GRM1: variants seen among roughly 807,000 people sequenced by gnomAD.
GRM1 encodes the protein glutamate metabotropic receptor 1.
A neutral mutation model predicts 90.9 loss-of-function variants in GRM1; 33 were observed. That is an observed-to-expected ratio of 0.36 (90% confidence interval 0.28 to 0.49). The LOEUF is 0.49. Among genes scored for constraint, GRM1 ranks in the 20% least tolerant of loss-of-function variants. GRM1 has a pLI of 0.99. For synonymous variants in GRM1, 700 were observed against 613.2 expected (o/e 1.14, Z -2.09); for missense variants, 1,190 against 1,534.3 (o/e 0.78, Z 3.75).
At chr6:146,406,887 G>T (rs889005880) in intron 7 of GRM1, among the ~76,000 whole-genome samples, 1 of 152,104 alleles carries the variant, frequency 6.6e-6, no homozygotes, top group African/African-American at 2.4e-5. Flanking sequence ...AGGAGAAGAA[G>T]AAGAAAGAAG....
intron 2 of GRM1, among the ~76,000 whole-genome samples, chr6:146,216,722 G>A (rs539179358): frequency 5.3e-5 from 8 of 152,320 alleles, no homozygotes; most frequent in East Asian, 3.9e-4. Context: ...CAGAGTCACC[G>A]TGTACTTTCA....
intron 1 of GRM1, among the ~76,000 whole-genome samples, chr6:146,090,389 T>C (rs1582988382): frequency 6.6e-6 from 1 of 152,152 alleles, no homozygotes; most frequent in Non-Finnish European, 1.5e-5. Flanking sequence ...CATACTTTAG[T>C]AGGACTCTGT....
intron 5 of GRM1, among the ~76,000 whole-genome samples, chr6:146,370,181 C>T (rs1304748878): frequency 6.6e-6 from 1 of 151,992 alleles, no homozygotes; most frequent in East Asian, 1.9e-4. Context: ...TGATGTTGTG[C>T]AAGTTTAAGT....
intron 2 of GRM1, among the ~76,000 whole-genome samples, chr6:146,207,069 T>C (rs1226451236): frequency 6.6e-6 from 1 of 152,200 alleles, no homozygotes; most frequent in Non-Finnish European, 1.5e-5. Context: ...GGCATTTAGG[T>C]TGATTCCATG....
At chr6:146,396,226 T>G (rs1776929992) in intron 6 of GRM1, among the ~76,000 whole-genome samples, 2 of 152,102 alleles carry the variant, frequency 1.3e-5, no homozygotes, top group South Asian at 4.1e-4. Context: ...CAGAAAAAGG[T>G]TTGTATTTAG....
At chr6:146,204,542 G>A (rs898964714) in intron 2 of GRM1, among the ~76,000 whole-genome samples, 1 of 152,132 alleles carries the variant, frequency 6.6e-6, no homozygotes, top group Non-Finnish European at 1.5e-5. Flanking sequence ...TGTAGCCCAG[G>A]TATCACATTT....
At chr6:146,284,251 CA>C (rs1457070000) in intron 2 of GRM1, among the ~76,000 whole-genome samples, 5 of 151,998 alleles carry the variant, frequency 3.3e-5, no homozygotes, top group African/African-American at 1.2e-4. Flanking sequence ...AGTTTACTAA[CA>C]AAGATAGGCA....
chr6:146,224,342 A>G (rs529841786), intron 2 of GRM1, among the ~76,000 whole-genome samples: 1 of 152,236 alleles, frequency 6.6e-6, no homozygotes, highest in Non-Finnish European at 1.5e-5. Flanking sequence ...TATCTTAGTG[A>G]CAAAACTATT....
rs966983857 is a variant in GRM1 at position 146,253,781 on chromosome 6, A to G, written c.951-50830A>G. The stretch of plus-strand genomic sequence containing the variant: ...AACTATTCACTGACAAATCTTCTGC[A>G]TAACATTATTCTGTATGTGAAATAC... On this transcript the variant is annotated intron_variant, in intron 2 of 7. Coordinates refer to ENST00000282753, the MANE Select transcript of GRM1 (RefSeq NM_001278064.2). 4.6e-5 allele frequency among the ~76,000 whole-genome samples: 7 copies of G among 152,172 alleles called. No individual in the cohort carries two copies. The East Asian group carries it at 1.2e-3, about 25-fold the overall frequency.
chr6:146,041,804 A>T (rs1359754402), intron 1 of GRM1, among the ~76,000 whole-genome samples: 1 of 152,002 alleles, frequency 6.6e-6, no homozygotes, highest in Non-Finnish European at 1.5e-5. Flanking sequence ...GGAAGATGGA[A>T]GGCATATTTC....
intron 7 of GRM1, among the ~76,000 whole-genome samples, chr6:146,401,552 A>G (rs1266472859): frequency 6.6e-6 from 1 of 152,226 alleles, no homozygotes; most frequent in Non-Finnish European, 1.5e-5. Flanking sequence ...GAGTGTTCAC[A>G]AGGATTAAAA....
At chr6:146,119,482 T>C (rs1444204006) in intron 1 of GRM1, among the ~76,000 whole-genome samples, 2 of 152,222 alleles carry the variant, frequency 1.3e-5, no homozygotes, top group Non-Finnish European at 2.9e-5. Flanking sequence ...TTGTTGCCAT[T>C]GCTTTTGGTG....
chr6:146,190,518 A>G (rs1403054151), intron 2 of GRM1, among the ~76,000 whole-genome samples: 2 of 152,192 alleles, frequency 1.3e-5, no homozygotes, highest in African/African-American at 4.8e-5. Flanking sequence ...GAGTTGGCCA[A>G]CACGAATTCA....
intron 1 of GRM1, among the ~76,000 whole-genome samples, chr6:146,119,368 A>C (rs1362800763): frequency 1.3e-5 from 2 of 152,078 alleles, no homozygotes; most frequent in Non-Finnish European, 2.9e-5. Context: ...TAGATTGAAA[A>C]AATTTTCTCC....
chr6:146,062,139 T>G (rs1410681046), intron 1 of GRM1, among the ~76,000 whole-genome samples: 1 of 152,102 alleles, frequency 6.6e-6, no homozygotes, highest in Admixed American at 6.6e-5. Context: ...GTGGCACATA[T>G]ACACCAGGGA....
intron 3 of GRM1, among the ~76,000 whole-genome samples, chr6:146,337,807 A>G (rs1243327238): frequency 6.6e-6 from 1 of 152,230 alleles, no homozygotes; most frequent in Non-Finnish European, 1.5e-5. Flanking sequence ...TGAGGCCACA[A>G]ACAGGAATAC....
chr6:146,365,849 TG>T (rs1775666198), intron 5 of GRM1, among the ~76,000 whole-genome samples: 2 of 152,182 alleles, frequency 1.3e-5, no homozygotes, highest in Non-Finnish European at 2.9e-5. Context: ...CAGGCACCTA[TG>T]GTACAGACTT....
At chr6:146,238,273 A>G (rs145036741) in intron 2 of GRM1, among the ~76,000 whole-genome samples, 133 of 152,290 alleles carry the variant, frequency 8.7e-4, no homozygotes, top group Non-Finnish European at 1.3e-3. Flanking sequence ...GATGATTTTT[A>G]TGATAACTAT....
chr6:146,322,088 A>T (rs1316894736), intron 3 of GRM1, among the ~76,000 whole-genome samples: 1 of 151,730 alleles, frequency 6.6e-6, no homozygotes, highest in Non-Finnish European at 1.5e-5. Flanking sequence ...TTTGGTGTGG[A>T]TGTTCGTTTT....
Sources: allele counts gnomAD v4.1 joint callset (sites outside exome capture counted in the v4.1 genomes callset), GRCh38; gene constraint gnomAD v4.1.1; transcripts MANE v1.5; gene names NCBI Gene and HGNC (gene_info 2026-07-23, HGNC 2026-07-21).